Variants in PPFIA2 observed in about 807,000 individuals in gnomAD.
The protein encoded by PPFIA2 is PPFI scaffold protein A2.
A neutral mutation model predicts 175.5 loss-of-function variants in PPFIA2; 46 were observed. That is an observed-to-expected ratio of 0.26 (90% CI 0.21 to 0.34). The LOEUF (loss-of-function observed/expected upper bound fraction) is 0.34, where lower values mean the gene tolerates loss of function less well. PPFIA2 is among the 10% of genes least tolerant of loss of function. The pLI, the probability that PPFIA2 is intolerant of heterozygous loss-of-function variation, is 1.00. For synonymous variants in PPFIA2, 568 were observed against 511.4 expected, an observed-to-expected ratio of 1.11 and a Z score of -1.49; for missense variants, 1,179 against 1,506.1, an observed-to-expected ratio of 0.78 and a Z score of 3.60.
chr12:81,324,201 CTA>C (rs2054266625), intron 22 of PPFIA2, among the ~76,000 whole-genome samples: 1 of 151,812 alleles, frequency 6.6e-6, no homozygotes, highest in African/African-American at 2.4e-5. Flanking sequence ...AGAAACGAGT[CTA>C]TAAAATTATT....
chr12:81,600,209 A>C (rs2153454813), intron 4 of PPFIA2, among the ~76,000 whole-genome samples: 1 of 151,926 alleles, frequency 6.6e-6, no homozygotes, highest in Admixed American at 6.6e-5. Flanking sequence ...CTTTTCCTTC[A>C]ATTATTTACT....
intron 4 of PPFIA2, among the ~76,000 whole-genome samples, chr12:81,514,849 C>A (rs949827136): frequency 6.6e-6 from 1 of 151,866 alleles, no homozygotes; most frequent in Admixed American, 6.6e-5. Context: ...TAAATTAACT[C>A]ATTTATTATT....
chr12:81,295,129 C>T (rs529731022), intron 23 of PPFIA2, 94 bp from the exon 24 acceptor site: 24 of 1,092,720 alleles, frequency 2.2e-5, no homozygotes, highest in African/African-American at 1.4e-4. Flanking sequence ...ATCTTACATA[C>T]ATGACCTCAC....
intron 14 of PPFIA2, among the ~76,000 whole-genome samples, chr12:81,366,402 C>T: frequency 6.6e-6 from 1 of 151,564 alleles, no homozygotes; most frequent in South Asian, 2.1e-4. Flanking sequence ...ATCCCCTCAC[C>T]CCACCAAGCA....
chr12:81,533,698 T>TCTAC (rs1009910322), intron 4 of PPFIA2, among the ~76,000 whole-genome samples: 8 of 118,692 alleles, frequency 6.7e-5, no homozygotes, highest in African/African-American at 2.6e-4. Context: ...CACAAATCTA[T>TCTAC]CTATCTATCT....
Position 81,362,697 on chromosome 12 carries a change from G to C in PPFIA2, c.1633C>G (p.Pro545Ala). 6.5e-7 allele frequency: 1 copy of C among 1,538,544 alleles called. No homozygotes were observed. The highest frequency in any genetic ancestry group is 8.8e-7 in the Non-Finnish European group (1 of 1,136,150). ...RTGSLIEPTI[P>A]RTHLDTSAEL... is the part of the protein sequence containing the mutation. ...AAGCTTTTAGTTTAATGTTACCTTG[G>C]TATTGTGGGTTCAATTAAAGAGCCA... The change falls in exon 15 of 33, where the codon CCA (proline) becomes GCA (alanine). Residue 545 changes from proline (P) to alanine (A), a missense_variant. Physicochemically the swap from Pro to Ala is conservative, Grantham distance 27. This residue lies in a region of PPFIA2 where 186 missense variants were observed against 163.6 expected (regional missense o/e 1.14). Transcript: ENST00000549396.
intron 7 of PPFIA2, among the ~76,000 whole-genome samples, chr12:81,415,213 ATATATATATATATATATATATAT>A (rs2044954841): frequency 9.8e-5 from 2 of 20,470 alleles, no homozygotes; most frequent in African/African-American, 1.9e-4. Flanking sequence ...AAAAAAAAAT[ATATATATATATATATATATATAT>A]ATATATATAT....
intron 21 of PPFIA2, among the ~76,000 whole-genome samples, chr12:81,326,437 A>G (rs1161381881): frequency 6.6e-6 from 1 of 152,064 alleles, no homozygotes; most frequent in Non-Finnish European, 1.5e-5. Flanking sequence ...TTCACTATAA[A>G]TCTTACTTCC....
chr12:81,259,757 A>G, intron 32 of PPFIA2, 97 bp from the exon 33 acceptor site: 1 of 1,009,748 alleles, frequency 9.9e-7, no homozygotes, highest in Non-Finnish European at 1.5e-6. Flanking sequence ...CAGCCTGCTT[A>G]CTCCTGTCCT....
At chr12:81,456,629 T>C (rs2053611735) in intron 5 of PPFIA2, among the ~76,000 whole-genome samples, 1 of 152,214 alleles carries the variant, frequency 6.6e-6, no homozygotes, top group African/African-American at 2.4e-5. Flanking sequence ...CCAACTTCAG[T>C]TGTATTTAAA....
chr12:81,696,407 A>C lies in PPFIA2; in HGVS notation c.250-19563T>G, dbSNP rs146957919. Among the ~76,000 whole-genome samples, 9 of 152,280 alleles carry C rather than the reference A, an allele frequency of 5.9e-5. No homozygotes were observed. In the East Asian group the frequency reaches 1.7e-3, roughly 29 times the overall value. ...AACTCTCATCATCCAGTCATGAAGA[A>C]TGTGGTAGCATAATTTCATCAGGAA... On this transcript the variant is annotated intron_variant, in intron 3 of 32. Transcript: ENST00000549396.
chr12:81,473,822 T>C (rs2057106934), intron 4 of PPFIA2, among the ~76,000 whole-genome samples: 1 of 152,214 alleles, frequency 6.6e-6, no homozygotes, highest in South Asian at 2.1e-4. Context: ...TAAATTACAT[T>C]AGAATGATTG....
chr12:81,283,538 A>C (rs2042574200), intron 25 of PPFIA2, among the ~76,000 whole-genome samples: 5 of 152,120 alleles, frequency 3.3e-5, no homozygotes, highest in Admixed American at 3.3e-4. Flanking sequence ...TAAACTAAAA[A>C]TGAAATTAGT....
At chr12:81,642,669 A>ATGCATG (rs1555549079) in intron 4 of PPFIA2, among the ~76,000 whole-genome samples, 1 of 106,226 alleles carries the variant, frequency 9.4e-6, no homozygotes, top group African/African-American at 3.5e-5. Context: ...TATTATATAC[A>ATGCATG]TACATGTATG....
intron 4 of PPFIA2, among the ~76,000 whole-genome samples, chr12:81,459,887 G>T (rs532520168): frequency 6.6e-5 from 10 of 152,188 alleles, no homozygotes; most frequent in African/African-American, 2.4e-4. Flanking sequence ...TCTTATGGCT[G>T]AGGATACTGA....
chr12:81,389,550 A>C (rs1410897388), intron 8 of PPFIA2, among the ~76,000 whole-genome samples: 1 of 152,066 alleles, frequency 6.6e-6, no homozygotes, highest in Non-Finnish European at 1.5e-5. Context: ...TTGCATTTGC[A>C]GAAAATATAT....
At chr12:81,267,875 C>A in intron 29 of PPFIA2, 37 bp downstream of exon 29, 1 of 1,545,346 alleles carries the variant, frequency 6.5e-7, no homozygotes, top group Non-Finnish European at 8.8e-7. Context: ...ATTATATAAA[C>A]CAGAACACAT....
At chr12:81,496,575 TGAG>T (rs1245711046) in intron 4 of PPFIA2, among the ~76,000 whole-genome samples, 2 of 152,038 alleles carry the variant, frequency 1.3e-5, no homozygotes, top group Non-Finnish European at 2.9e-5. Context: ...AAGAAATAGA[TGAG>T]GTAAATGTGG....
At chr12:81,597,687 C>A (rs1186733476) in intron 4 of PPFIA2, among the ~76,000 whole-genome samples, 1 of 151,838 alleles carries the variant, frequency 6.6e-6, no homozygotes, top group African/African-American at 2.4e-5. Flanking sequence ...ATCTCATAAA[C>A]CTTCAAGGAT....
Sources: allele counts gnomAD v4.1 joint callset (sites outside exome capture counted in the v4.1 genomes callset), GRCh38; gene constraint gnomAD v4.1.1; regional missense constraint gnomAD v4.1.1; transcripts MANE v1.5; gene names NCBI Gene and HGNC (gene_info 2026-07-23, HGNC 2026-07-21).